Variants in MATN3 observed in about 807,000 individuals in gnomAD.
MATN3 encodes the protein matrilin 3, also known as matrilin-3.
In MATN3, 48 loss-of-function variants were observed where a neutral mutation model predicts 45.3. The ratio of observed to expected loss-of-function variants is 1.06; its 90% CI spans 0.84 to 1.35. MATN3 has a LOEUF of 1.35. Among genes scored for constraint, MATN3 ranks in the 40% most tolerant of loss-of-function variants. The pLI, the probability that MATN3 is intolerant of heterozygous loss-of-function variation, is 0.00. For missense variants in MATN3, 599 were observed against 628.0 expected, an observed-to-expected ratio of 0.95 and a Z score of 0.49; for synonymous variants, 217 against 245.9, an observed-to-expected ratio of 0.88 and a Z score of 1.10.
At chr2:19,997,354 C>A in intron 5 of MATN3, 95 bp from the exon 6 acceptor site, 1 of 1,352,744 alleles carries the variant, frequency 7.4e-7, no homozygotes, top group South Asian at 1.5e-5. Flanking sequence ...TTGGTCCCCA[C>A]AAGTGCTGAG....
chr2:19,997,348 T>C, intron 5 of MATN3, 89 bp from the exon 6 acceptor site: 1 of 1,379,016 alleles, frequency 7.3e-7, no homozygotes, highest in African/African-American at 1.5e-5. Flanking sequence ...TTCCATTTGG[T>C]CCCCACAAGT....
At chr2:19,997,455 T>TCA (rs1362601257) in intron 5 of MATN3, 196 bp from the exon 6 acceptor site, 7 of 518,120 alleles carry the variant, frequency 1.4e-5, no homozygotes, top group African/African-American at 3.9e-5. Context: ...TGGCCTCACA[T>TCA]CACACACACT....
intron 3 of MATN3, among the ~76,000 whole-genome samples, chr2:20,002,336 T>G (rs1673002135): frequency 6.6e-6 from 1 of 152,142 alleles, no homozygotes; most frequent in Non-Finnish European, 1.5e-5. Flanking sequence ...TTAAGTTATC[T>G]CTAAGCTTTC....
chr2:19,998,577 A>G (rs781392158), intron 5 of MATN3, among the ~76,000 whole-genome samples: 3 of 152,104 alleles, frequency 2.0e-5, no homozygotes, highest in Non-Finnish European at 4.4e-5. Context: ...ACAAAATGTC[A>G]AAACCCCATC....
At chr2:19,994,740 G>A (rs1452546545) in intron 6 of MATN3, among the ~76,000 whole-genome samples, 1 of 152,130 alleles carries the variant, frequency 6.6e-6, no homozygotes, top group Non-Finnish European at 1.5e-5. Context: ...GTTGGTATAG[G>A]GGGAGGCCAG....
chr2:19,997,270 G>A lies in MATN3; in HGVS notation c.1169-11C>T, dbSNP rs373759079. 1.4e-5 allele frequency: 23 copies of A among 1,593,546 alleles called. No homozygotes were observed. Among genetic ancestry groups the A allele is most frequent in the East Asian group, 9.0e-5 (4 of 44,674 alleles). ...CACACTTGTCACGGACTGACCGCAC[G>A]TGGTGCAGGAAAGAAAATATTCACA... On this transcript the variant is annotated splice_polypyrimidine_tract_variant and intron_variant, in intron 5 of 7. Coordinates refer to ENST00000407540, the MANE Select transcript of MATN3 (RefSeq NM_002381.5).
At chr2:20,000,011 T>TA (rs1672954449) in intron 5 of MATN3, among the ~76,000 whole-genome samples, 1 of 152,224 alleles carries the variant, frequency 6.6e-6, no homozygotes, top group East Asian at 1.9e-4. Context: ...AAGTCTTCTT[T>TA]ACTAAAATCA....
intron 5 of MATN3, among the ~76,000 whole-genome samples, chr2:19,999,477 A>G (rs1005807315): frequency 6.6e-6 from 1 of 151,960 alleles, no homozygotes; most frequent in Non-Finnish European, 1.5e-5. Context: ...TCCCTGGCTC[A>G]GTCTCTGCTT....
chr2:20,002,540 C>T (rs953181327), intron 3 of MATN3, among the ~76,000 whole-genome samples: 2 of 152,082 alleles, frequency 1.3e-5, no homozygotes, highest in Non-Finnish European at 2.9e-5. Flanking sequence ...GAAATAAAAT[C>T]CAGGAAAATT....
Position 20,012,582 on chromosome 2 carries a change from A to G in MATN3, c.50T>C (p.Leu17Pro), listed in dbSNP as rs1673241303. 2.4e-6 allele frequency: 3 copies of G among 1,225,922 alleles called. No homozygotes were observed. Among genetic ancestry groups the G allele is most frequent in the South Asian group, 4.1e-5 (1 of 24,506 alleles). 75.9% of individuals were successfully genotyped at this position (1,225,922 alleles called of 1,614,324 possible). Residue 17 changes from leucine to proline, a missense_variant, in exon 1 of 8, where the codon CTC becomes CCC. Physicochemically the swap from Leu to Pro is moderately conservative, Grantham distance 98. Transcript: ENST00000407540. The surrounding 1 kb of genome is among the most constrained non-coding windows in gnomAD (Gnocchi z 4.3). ...ARRLPGLLLLLWPLLLLPSAA... is the reference protein window; with the variant it reads ...ARRLPGLLLLPWPLLLLPSAA... ...GGAGGGCAGCAGCAGCAGCGGCCAG[A>G]GCAGCAGGAGGAGTCCCGGGAGGCG...
rs1027702137 is a variant in MATN3, at chr2:19,992,068, C to A, written c.*1043G>T. ...AATTCAGTATAATTTAAAGAAATAT[C>A]TTTAATAGACAAAATTGATGAGTCA... On this transcript the variant is annotated 3_prime_UTR_variant, in exon 8 of 8. Coordinates refer to ENST00000407540, the MANE Select transcript of MATN3 (RefSeq NM_002381.5). The A allele has an allele frequency of 1.3e-5, 2 of 151,850 alleles. No homozygotes were observed. The highest frequency in any genetic ancestry group is 4.8e-5 in the African/African-American group (2 of 41,324). 9.4% of individuals were successfully genotyped at this position (151,850 alleles called of 1,614,324 possible). A position where few individuals can be genotyped will look rare whatever the true frequency, so the allele number is the denominator to read the frequency against.
At chr2:19,997,075 A>C in intron 6 of MATN3, 59 bp downstream of exon 6, 1 of 1,579,924 alleles carries the variant, frequency 6.3e-7, no homozygotes, top group South Asian at 1.1e-5. Context: ...GAAAGAAAAA[A>C]GCTTGCTCCT....
Position 20,005,795 on chromosome 2 carries a change from T to C in MATN3, c.739A>G (p.Thr247Ala). 6.2e-7 allele frequency: 1 copy of C among 1,611,260 alleles called. No individual in the cohort carries two copies. The highest frequency in any genetic ancestry group is 1.1e-5 in the South Asian group (1 of 90,252). Residue 247 changes from threonine (T) to alanine (A), a missense_variant, in exon 2 of 8, where the codon ACC becomes GCC. Physicochemically the swap from Thr to Ala is moderately conservative, Grantham distance 58. Transcript: ENST00000407540. ...PLEEHVFYVE[T>A]YGVIEKLSSR... The stretch of plus-strand genomic sequence containing the variant: ...GAAAGTTTCTCAATGACCCCATAGG[T>C]CTCCACGTAGAAAACATGCTCCTCT...
chr2:20,008,517 T>C (rs1020699135), intron 1 of MATN3, among the ~76,000 whole-genome samples: 5 of 152,258 alleles, frequency 3.3e-5, no homozygotes, highest in African/African-American at 1.2e-4. Context: ...TGTCTCTGTC[T>C]AGTTTTCTTT....
chr2:19,997,053 G>C, intron 6 of MATN3, 81 bp downstream of exon 6: 1 of 1,449,016 alleles, frequency 6.9e-7, no homozygotes. Context: ...AATCACAACT[G>C]TGTCTTAGAC....
intron 2 of MATN3, among the ~76,000 whole-genome samples, chr2:20,004,458 C>T (rs1038266251): frequency 2.0e-5 from 3 of 152,146 alleles, no homozygotes; most frequent in African/African-American, 7.2e-5. Flanking sequence ...TTTTTGGAAG[C>T]CAACGAATGC....
intron 5 of MATN3, among the ~76,000 whole-genome samples, chr2:19,998,222 GA>G (rs1672916764): frequency 6.6e-6 from 1 of 150,782 alleles, no homozygotes; most frequent in Non-Finnish European, 1.5e-5. Context: ...CTACAATTTA[GA>G]TTTTTTTTTC....
chr2:20,000,570 T>G lies in MATN3; in HGVS notation c.1043-4A>C. 1 of 1,604,834 alleles carries G rather than the reference T, an allele frequency of 6.2e-7. No homozygotes were observed. Among genetic ancestry groups the G allele is most frequent in the South Asian group, 1.1e-5 (1 of 88,550 alleles). ...CCCAAAGCACATTTATCTTGAGCTG[T>G]GAAACAAAAAGTCAGGAGAAAAGAA... On this transcript the variant is annotated splice_region_variant and splice_polypyrimidine_tract_variant and intron_variant, in intron 4 of 7. Coordinates refer to ENST00000407540, the MANE Select transcript of MATN3 (RefSeq NM_002381.5).
rs1558372534 is a variant in MATN3 at position 20,001,955 on chromosome 2, C to G, written c.1042G>C (p.Ala348Pro). Residue 348 changes from alanine to proline, a missense_variant and splice_region_variant, in exon 4 of 8, where the codon GCT (alanine) becomes CCT (proline). Physicochemically the swap from Ala to Pro is conservative, Grantham distance 27. Transcript: ENST00000407540. ...TAGTAAAGACTCCTCCCTCACTTACCTGAACAAGTTTTCCTGTCTTCATTC... is the reference window on the plus strand; with the variant it reads ...TAGTAAAGACTCCTCCCTCACTTACGTGAACAAGTTTTCCTGTCTTCATTC... ...TLNEDRKTCS[A>P]QDKCALGTHG... 7.4e-6 allele frequency: 12 copies of G among 1,612,746 alleles called. No individual in the cohort carries two copies. Among genetic ancestry groups the G allele is most frequent in the Non-Finnish European group, 1.0e-5 (12 of 1,179,292 alleles).
Sources: gnomAD v4.1 joint callset for allele counts (sites outside exome capture counted in the v4.1 genomes callset) on GRCh38, gnomAD v4.1.1 for gene constraint, Gnocchi (gnomAD v3.1) non-coding constraint, MANE v1.5 for transcripts, NCBI Gene and HGNC (gene_info 2026-07-23, HGNC 2026-07-21) for gene names.